The following CSGALNACT2 variants were observed in gnomAD, a reference collection of about 807,000 sequenced individuals.
CSGALNACT2 encodes chondroitin sulfate N-acetylgalactosaminyltransferase 2.
Under a neutral mutation model 55.3 loss-of-function variants are expected in CSGALNACT2, and 35 were observed. The ratio of observed to expected loss-of-function variants is 0.63; its 90% CI spans 0.48 to 0.84. The LOEUF (loss-of-function observed/expected upper bound fraction) is 0.84. CSGALNACT2 is among the 40% of genes least tolerant of loss of function. CSGALNACT2 has a pLI of 0.00. For synonymous variants in CSGALNACT2, 196 were observed against 224.9 expected, an observed-to-expected ratio of 0.87 and a Z score of 1.15; for missense variants, 544 against 657.5, an observed-to-expected ratio of 0.83 and a Z score of 1.89.
chr10:43,154,593 G>A (rs773599146), intron 1 of CSGALNACT2, among the ~76,000 whole-genome samples: 3 of 152,086 alleles, frequency 2.0e-5, no homozygotes, highest in Non-Finnish European at 4.4e-5. Flanking sequence ...GGGAGTGGTA[G>A]GCAGATGCCT....
At position 43,138,575 on chromosome 10, in the gene CSGALNACT2, C is replaced by T. The variant is rs1838545144; in HGVS notation, c.-254+8C>T. Reference sequence around the variant, plus strand: ...GCAGAGCGGGCGAGCGCGGTGAGTACCTGGCCCGGCCTCGCCCGCCGGTCC... The same window carrying T: ...GCAGAGCGGGCGAGCGCGGTGAGTATCTGGCCCGGCCTCGCCCGCCGGTCC... On this transcript the variant is annotated splice_region_variant and intron_variant, in intron 1 of 7. Coordinates refer to ENST00000374466, the MANE Select transcript of CSGALNACT2 (RefSeq NM_018590.5). 6.6e-6 allele frequency: 1 copy of T among 150,808 alleles called. No homozygotes were observed. The highest frequency in any genetic ancestry group is 2.1e-4 in the South Asian group (1 of 4,824). The allele number at this position is 150,808 out of a possible 1,614,324, so 9.3% of individuals were successfully genotyped here. A position where few individuals can be genotyped will look rare whatever the true frequency, so the allele number is the denominator to read the frequency against.
chr10:43,165,054 T>TCTA (rs1254732112), intron 5 of CSGALNACT2, among the ~76,000 whole-genome samples: 1 of 151,990 alleles, frequency 6.6e-6, no homozygotes, highest in African/African-American at 2.4e-5. Context: ...AAACCCCGTC[T>TCTA]CTACTAAAAA....
rs148006582 is a variant in CSGALNACT2, at chr10:43,142,677, G to A, written c.-254+4110G>A. 3.0e-4 allele frequency among the ~76,000 whole-genome samples: 46 copies of A among 152,288 alleles called. 1 individual carries two copies. The highest frequency in any genetic ancestry group is 1.1e-3 in the African/African-American group (46 of 41,564). On this transcript the variant is annotated intron_variant, in intron 1 of 7. Transcript: ENST00000374466. ...GAATCAACTGGTTGTGACATTTACT[G>A]TCTGACCTAAAATATTTGCTGATTC...
Position 43,155,207 on chromosome 10 carries a change from G to A in CSGALNACT2, c.58G>A (p.Ala20Thr), listed in dbSNP as rs202082431. The A allele has an allele frequency of 1.2e-6, 2 of 1,614,098 alleles. No homozygotes were observed. Among genetic ancestry groups the A allele is most frequent in the African/African-American group, 1.3e-5 (1 of 75,006 alleles). The change falls in exon 2 of 8, where the codon GCT becomes ACT. Residue 20 changes from alanine to threonine, a missense_variant. By Grantham distance (58) the Ala-to-Thr change is moderately conservative. Transcript: ENST00000374466. Reference sequence around the variant, plus strand: ...GACCCACTGGTTGCTGTTGGGCCTTGCTTTGCTCTGCAGTTTGGTATTATT... The same window carrying A: ...GACCCACTGGTTGCTGTTGGGCCTTACTTTGCTCTGCAGTTTGGTATTATT... ...TRTHWLLLGL[A>T]LLCSLVLFMY... is the part of the protein sequence containing the mutation.
intron 7 of CSGALNACT2, among the ~76,000 whole-genome samples, chr10:43,176,868 C>G (rs1335836092): frequency 2.0e-5 from 3 of 152,132 alleles, no homozygotes; most frequent in African/African-American, 7.2e-5. Context: ...TGCCCAGCCC[C>G]TAGCTTCAGT....
At chr10:43,182,112 G>A (rs1839600468) in intron 7 of CSGALNACT2, among the ~76,000 whole-genome samples, 1 of 151,212 alleles carries the variant, frequency 6.6e-6, no homozygotes, top group African/African-American at 2.4e-5. Context: ...CCCTCCATTC[G>A]GGGTCCCTGA....
At chr10:43,182,581 T>C (rs183217436) in intron 7 of CSGALNACT2, among the ~76,000 whole-genome samples, 1 of 152,144 alleles carries the variant, frequency 6.6e-6, no homozygotes, top group Admixed American at 6.5e-5. Context: ...AGCGTGTGTC[T>C]CAAAGGACAG....
intron 7 of CSGALNACT2, among the ~76,000 whole-genome samples, chr10:43,180,347 G>T (rs1269081915): frequency 1.3e-5 from 2 of 150,558 alleles, no homozygotes; most frequent in African/African-American, 4.9e-5. Context: ...AATTTTTATT[G>T]TCATATCCTC....
chr10:43,182,135 G>C (rs980903717), intron 7 of CSGALNACT2, among the ~76,000 whole-genome samples: 9 of 151,628 alleles, frequency 5.9e-5, no homozygotes, highest in Admixed American at 5.2e-4. Context: ...TCCTGCAGCA[G>C]CCCACTCCAG....
intron 7 of CSGALNACT2, 55 bp downstream of exon 7, chr10:43,176,087 A>G (rs901347970): frequency 1.4e-6 from 2 of 1,404,488 alleles, no homozygotes; most frequent in Non-Finnish European, 2.0e-6. Flanking sequence ...ACTTAATGGT[A>G]TTTTGCTAAA....
At chr10:43,138,689 C>A (rs1230738863) in intron 1 of CSGALNACT2, 122 bp downstream of exon 1, 2 of 152,020 alleles carry the variant, frequency 1.3e-5, no homozygotes, top group East Asian at 3.9e-4. Context: ...GCGGACCGGT[C>A]CTGCGGGGGG....
At chr10:43,171,451 C>G (rs1839381174) in intron 6 of CSGALNACT2, among the ~76,000 whole-genome samples, 1 of 151,356 alleles carries the variant, frequency 6.6e-6, no homozygotes. Flanking sequence ...CTTCCCGTTT[C>G]AAGCGATTCT....
rs755223401 is a variant in CSGALNACT2 at position 43,155,432 on chromosome 10, T to C, written c.283T>C (p.Ser95Pro). 32 of 1,613,986 alleles carry C rather than the reference T, an allele frequency of 2.0e-5. No individual in the cohort carries two copies. The highest frequency in any genetic ancestry group is 2.7e-5 in the Non-Finnish European group (32 of 1,180,018). Reference sequence around the variant, plus strand: ...ACAAGAAATGAGTGAGAAGATGCGGTCACTGCAAGAAAGAAGGAATGTAGG... The same window carrying C: ...ACAAGAAATGAGTGAGAAGATGCGGCCACTGCAAGAAAGAAGGAATGTAGG... Reference protein sequence around the residue: ...ELQEMSEKMRSLQERRNVGAN... With the variant: ...ELQEMSEKMRPLQERRNVGAN... Residue 95 changes from serine (S) to proline (P), a missense_variant, in exon 2 of 8, where the codon TCA (serine) becomes CCA (proline). This residue lies in a region of CSGALNACT2 where 374 missense variants were observed against 401.3 expected (regional missense o/e 0.93). Coordinates refer to ENST00000374466, the MANE Select transcript of CSGALNACT2 (RefSeq NM_018590.5).
rs1301615130 is a variant in CSGALNACT2, at chr10:43,155,829, T to C, written c.661+19T>C. On this transcript the variant is annotated intron_variant, in intron 2 of 7. Coordinates refer to ENST00000374466, the MANE Select transcript of CSGALNACT2 (RefSeq NM_018590.5). ...GTAGAAGGTAATGTGAAAAATATGT[T>C]GGTCAATATTATGTTAGTAAGACAA... 6.9e-6 allele frequency: 11 copies of C among 1,587,100 alleles called. No homozygotes were observed. Among genetic ancestry groups the C allele is most frequent in the Non-Finnish European group, 8.6e-6 (10 of 1,163,500 alleles).
chr10:43,175,041 T>C (rs1488053024), intron 6 of CSGALNACT2, among the ~76,000 whole-genome samples: 1 of 152,242 alleles, frequency 6.6e-6, no homozygotes, highest in Non-Finnish European at 1.5e-5. Context: ...AGCTGGTTTC[T>C]CGCATGGTAG....
At chr10:43,176,119 T>C in intron 7 of CSGALNACT2, 87 bp downstream of exon 7, 1 of 1,081,178 alleles carries the variant, frequency 9.2e-7, no homozygotes, top group African/African-American at 1.6e-5. Context: ...TTGAGTGTTT[T>C]CCTACTAAAG....
chr10:43,179,423 A>G (rs1326283993), intron 7 of CSGALNACT2, among the ~76,000 whole-genome samples: 3 of 151,190 alleles, frequency 2.0e-5, no homozygotes, highest in Non-Finnish European at 4.4e-5. Context: ...ATTTATTGAC[A>G]TGGCTGGACT....
At chr10:43,158,209 A>G (rs896594699) in intron 2 of CSGALNACT2, among the ~76,000 whole-genome samples, 1 of 151,944 alleles carries the variant, frequency 6.6e-6, no homozygotes, top group African/African-American at 2.4e-5. Flanking sequence ...TATATATCAC[A>G]TAGCACTATA....
At chr10:43,164,388 A>G (rs1839215184) in intron 5 of CSGALNACT2, among the ~76,000 whole-genome samples, 1 of 152,168 alleles carries the variant, frequency 6.6e-6, no homozygotes, top group Admixed American at 6.5e-5. Context: ...TGAGAGTCTG[A>G]AGCACTCAGC....
Sources: gnomAD v4.1 joint callset for allele counts (sites outside exome capture counted in the v4.1 genomes callset) on GRCh38, gnomAD v4.1.1 for gene constraint, gnomAD v4.1.1 regional missense constraint, MANE v1.5 for transcripts, NCBI Gene and HGNC (gene_info 2026-07-23, HGNC 2026-07-21) for gene names.